The following MSRA variants were observed in gnomAD, a reference collection of about 807,000 sequenced individuals.
The protein encoded by MSRA is mitochondrial peptide methionine sulfoxide reductase.
In MSRA, 54 loss-of-function variants were observed where a neutral mutation model predicts 31.3. The observed-to-expected ratio is 1.73, with a 90% CI of 1.39 to 2.17. The LOEUF is 2.17. Among genes scored for constraint, MSRA ranks in the 30% most tolerant of loss-of-function variants. The pLI is 0.00. For missense variants in MSRA, 507 were observed against 300.9 expected, an observed-to-expected ratio of 1.69 and a Z score of -5.07; for synonymous variants, 169 against 116.5, an observed-to-expected ratio of 1.45 and a Z score of -2.90.
chr8:10,424,916 G>C (rs1384922061), intron 5 of MSRA, among the ~76,000 whole-genome samples: 2 of 152,230 alleles, frequency 1.3e-5, no homozygotes, highest in African/African-American at 4.8e-5. Flanking sequence ...GGGGGACAGC[G>C]AAGGAGCAGG....
At chr8:10,261,201 C>T (rs1318916486) in intron 3 of MSRA, among the ~76,000 whole-genome samples, 1 of 151,868 alleles carries the variant, frequency 6.6e-6, no homozygotes, top group Non-Finnish European at 1.5e-5. Flanking sequence ...GATGAATTGT[C>T]ATGTCTTTAA....
intron 5 of MSRA, among the ~76,000 whole-genome samples, chr8:10,345,941 C>G (rs578168380): frequency 2.0e-5 from 3 of 152,332 alleles, no homozygotes; most frequent in Admixed American, 1.3e-4. Context: ...TGGCAACCTA[C>G]TCTAACCACT....
intron 5 of MSRA, among the ~76,000 whole-genome samples, chr8:10,349,086 CTATT>C (rs1420292149): frequency 6.6e-6 from 1 of 152,186 alleles, no homozygotes; most frequent in African/African-American, 2.4e-5. Context: ...TGCGATACAT[CTATT>C]CATTCTAAAA....
intron 5 of MSRA, among the ~76,000 whole-genome samples, chr8:10,379,769 T>G (rs981119113): frequency 6.6e-6 from 1 of 152,230 alleles, no homozygotes; most frequent in East Asian, 1.9e-4. Context: ...TCAGGGTTTC[T>G]TTTAGGCCAT....
chr8:10,102,016 T>C (rs1423449266), intron 1 of MSRA, among the ~76,000 whole-genome samples: 1 of 152,228 alleles, frequency 6.6e-6, no homozygotes, highest in African/African-American at 2.4e-5. Flanking sequence ...TTGAATTGTT[T>C]TGCCCTTCAG....
chr8:10,223,713 A>G (rs2129068951), intron 2 of MSRA, among the ~76,000 whole-genome samples: 1 of 152,340 alleles, frequency 6.6e-6, no homozygotes, highest in Middle Eastern at 3.4e-3. Flanking sequence ...ATGACCATAA[A>G]TTTGATGAAA....
At chr8:10,100,618 G>T (rs1799471744) in intron 1 of MSRA, among the ~76,000 whole-genome samples, 1 of 152,104 alleles carries the variant, frequency 6.6e-6, no homozygotes. Flanking sequence ...GAAAGAAAAG[G>T]TTTTGAGAGT....
intron 1 of MSRA, among the ~76,000 whole-genome samples, chr8:10,115,458 G>T (rs758030741): frequency 6.6e-6 from 1 of 152,196 alleles, no homozygotes; most frequent in African/African-American, 2.4e-5. Flanking sequence ...AGAGGGAGCA[G>T]GGCCCCTCCA....
intron 4 of MSRA, among the ~76,000 whole-genome samples, chr8:10,316,170 G>A (rs902380947): frequency 5.9e-5 from 9 of 152,030 alleles, no homozygotes; most frequent in Non-Finnish European, 1.3e-4. Context: ...GTATTGTGTG[G>A]CTGTCTTCCT....
chr8:10,381,848 G>A (rs1330066195), intron 5 of MSRA, among the ~76,000 whole-genome samples: 2 of 152,286 alleles, frequency 1.3e-5, no homozygotes, highest in East Asian at 1.9e-4. Context: ...TTTAGGGACT[G>A]GAAAAATCAC....
At chr8:10,175,011 C>T (rs1431542965) in intron 1 of MSRA, among the ~76,000 whole-genome samples, 1 of 152,142 alleles carries the variant, frequency 6.6e-6, no homozygotes, top group African/African-American at 2.4e-5. Flanking sequence ...TAGCCCCTGA[C>T]GTTCTCTGAC....
intron 4 of MSRA, among the ~76,000 whole-genome samples, chr8:10,307,195 G>C (rs1388868922): frequency 6.8e-6 from 1 of 146,206 alleles, no homozygotes; most frequent in East Asian, 2.0e-4. Context: ...TTGAGACATG[G>C]TCTTGCTCTG....
At chr8:10,125,110 A>G (rs971633811) in intron 1 of MSRA, among the ~76,000 whole-genome samples, 2 of 152,224 alleles carry the variant, frequency 1.3e-5, no homozygotes, top group African/African-American at 4.8e-5. Context: ...TGGTGATAAG[A>G]CTTCCAGATT....
chr8:10,054,594 G>A lies in MSRA; in HGVS notation c.78G>A (p.Ser26=), dbSNP rs1330350910. The A allele has an allele frequency of 1.4e-5, 22 of 1,581,178 alleles. No homozygotes were observed. Among genetic ancestry groups the A allele is most frequent in the African/African-American group, 2.8e-5 (2 of 71,796 alleles). The stretch of plus-strand genomic sequence containing the variant: ...TTCCCGTCCCGAGGATGGGCAACTC[G>A]GCCTCGAACATCGTCAGCCCCCAGG... The part of the protein sequence containing the change: ...SLFPVPRMGN[S]ASNIVSPQEA... The change falls in exon 1 of 6, where the codon TCG becomes TCA. Residue 26 remains serine (S), a synonymous_variant. Transcript: ENST00000317173.
chr8:10,133,323 T>C (rs1343312857), intron 1 of MSRA, among the ~76,000 whole-genome samples: 4 of 152,128 alleles, frequency 2.6e-5, no homozygotes, highest in Non-Finnish European at 5.9e-5. Flanking sequence ...TTAATATGTA[T>C]TAGAAAGAGG....
chr8:10,075,701 A>G (rs1013392050), intron 1 of MSRA, among the ~76,000 whole-genome samples: 9 of 152,252 alleles, frequency 5.9e-5, no homozygotes, highest in Non-Finnish European at 1.3e-4. Flanking sequence ...CGATATAACA[A>G]GTTCCACAAA....
intron 1 of MSRA, among the ~76,000 whole-genome samples, chr8:10,066,431 G>A (rs1013537772): frequency 1.4e-4 from 22 of 151,952 alleles, no homozygotes; most frequent in Non-Finnish European, 2.9e-5. Flanking sequence ...ACACACACAC[G>A]CACAATTGTT....
At chr8:10,237,744 C>G (rs1406272259) in intron 2 of MSRA, among the ~76,000 whole-genome samples, 1 of 152,216 alleles carries the variant, frequency 6.6e-6, no homozygotes, top group Non-Finnish European at 1.5e-5. Flanking sequence ...CTCTTTCTCT[C>G]AAACTCTGTG....
At chr8:10,267,921 A>G (rs1344057129) in intron 3 of MSRA, among the ~76,000 whole-genome samples, 2 of 152,034 alleles carry the variant, frequency 1.3e-5, no homozygotes, top group African/African-American at 2.4e-5. Context: ...TTCTCTAGGG[A>G]CCTTCCCTAA....
Sources: gnomAD v4.1 joint callset for allele counts (sites outside exome capture counted in the v4.1 genomes callset) on GRCh38, gnomAD v4.1.1 for gene constraint, MANE v1.5 for transcripts, NCBI Gene and HGNC (gene_info 2026-07-23, HGNC 2026-07-21) for gene names.